Variants in RNF135 observed in about 807,000 individuals in gnomAD.
The protein encoded by RNF135 is ring finger protein 135.
A neutral mutation model predicts 41.9 loss-of-function variants in RNF135; 46 were observed. That is an observed-to-expected ratio of 1.10 (90% CI 0.87 to 1.40). The LOEUF is 1.40. Ranked by LOEUF, RNF135 falls within the 40% of genes most tolerant of loss-of-function variation. RNF135 has a pLI of 0.00. For synonymous variants in RNF135, 238 were observed against 223.8 expected (o/e 1.06, Z -0.57); for missense variants, 539 against 549.8 (o/e 0.98, Z 0.20).
At chr17:30,963,896 C>G in the RNF135 span, among the ~76,000 whole-genome samples, 1 of 152,118 alleles carries the variant, frequency 6.6e-6, no homozygotes, top group Non-Finnish European at 1.5e-5. Flanking sequence ...GGGAGGATCA[C>G]TTGAGGCCAG....
At chr17:30,976,913 T>A (rs1906509909) in intron 1 of RNF135, among the ~76,000 whole-genome samples, 1 of 152,228 alleles carries the variant, frequency 6.6e-6, no homozygotes, top group Non-Finnish European at 1.5e-5. Flanking sequence ...GTCTTTTGAT[T>A]GAAGATTTTT....
At chr17:30,980,795 T>C (rs1907073882) in intron 1 of RNF135, among the ~76,000 whole-genome samples, 1 of 146,988 alleles carries the variant, frequency 6.8e-6, no homozygotes, top group Admixed American at 6.7e-5. Context: ...CCTCACTTCC[T>C]AGATGGGATG....
Position 30,971,463 on chromosome 17 carries a change from G to T in RNF135, c.372+18G>T. 1 of 1,487,570 alleles carries T rather than the reference G, an allele frequency of 6.7e-7. No homozygotes were observed. The highest frequency in any genetic ancestry group is 8.9e-7 in the Non-Finnish European group (1 of 1,128,244). The allele number at this position is 1,487,570 out of a possible 1,614,324, so 92.1% of individuals were successfully genotyped here. On this transcript the variant is annotated intron_variant, in intron 1 of 4. Transcript: ENST00000328381. Reference sequence around the variant, plus strand: ...TGCAGCGGGTAGGGAGGCCGGGCCCGCAGCTCCCCTGGCTCCCCCGGGCTG... The same window carrying T: ...TGCAGCGGGTAGGGAGGCCGGGCCCTCAGCTCCCCTGGCTCCCCCGGGCTG...
In RNF135 at chr17:30,971,460, C is replaced by A; in HGVS notation, c.372+15C>A. The A allele has an allele frequency of 6.7e-7, 1 of 1,488,224 alleles. No individual in the cohort carries two copies. 92.2% of individuals were successfully genotyped at this position (1,488,224 alleles called of 1,614,324 possible). A position where few individuals can be genotyped will look rare whatever the true frequency, so the allele number is the denominator to read the frequency against. ...AACTGCAGCGGGTAGGGAGGCCGGG[C>A]CCGCAGCTCCCCTGGCTCCCCCGGG... On this transcript the variant is annotated intron_variant, in intron 1 of 4. Transcript: ENST00000328381.
the RNF135 span, among the ~76,000 whole-genome samples, chr17:30,963,398 C>T: frequency 5.3e-5 from 8 of 151,836 alleles, no homozygotes; most frequent in African/African-American, 7.3e-5. Context: ...CTGGCTAACA[C>T]GGTGAAACCC....
At chr17:30,996,633 T>C (rs938404866) in intron 3 of RNF135, among the ~76,000 whole-genome samples, 4 of 152,180 alleles carry the variant, frequency 2.6e-5, no homozygotes, top group Admixed American at 6.5e-5. Flanking sequence ...CACTTCAAGA[T>C]ACAAGTAGGA....
At chr17:30,998,032 C>T (rs1326807732) in intron 4 of RNF135, among the ~76,000 whole-genome samples, 1 of 152,208 alleles carries the variant, frequency 6.6e-6, no homozygotes, top group Non-Finnish European at 1.5e-5. Flanking sequence ...TCATAAATCA[C>T]CATAAGACGG....
intron 1 of RNF135, among the ~76,000 whole-genome samples, chr17:30,977,142 G>T (rs1318993900): frequency 2.0e-5 from 3 of 152,112 alleles, no homozygotes; most frequent in Non-Finnish European, 4.4e-5. Context: ...GAGCTTGCAA[G>T]TAGTATCTTA....
intron 1 of RNF135, among the ~76,000 whole-genome samples, chr17:30,983,991 G>A (rs926495650): frequency 1.3e-5 from 2 of 152,026 alleles, no homozygotes; most frequent in African/African-American, 2.4e-5. Context: ...CCAAACAAGC[G>A]GCAGTGATAT....
At chr17:30,982,243 C>G (rs1452942334) in intron 1 of RNF135, among the ~76,000 whole-genome samples, 1 of 152,122 alleles carries the variant, frequency 6.6e-6, no homozygotes, top group Non-Finnish European at 1.5e-5. Flanking sequence ...ATTTAGAGCC[C>G]CAGAGCACTT....
chr17:30,980,778 A>C (rs1331059046), intron 1 of RNF135, among the ~76,000 whole-genome samples: 1 of 148,460 alleles, frequency 6.7e-6, no homozygotes, highest in African/African-American at 2.5e-5. Context: ...GGCCGGGCAG[A>C]GACGCTCCTC....
chr17:30,981,183 C>T (rs1383356286), intron 1 of RNF135, among the ~76,000 whole-genome samples: 1 of 149,786 alleles, frequency 6.7e-6, no homozygotes, highest in Non-Finnish European at 1.5e-5. Context: ...CACAGCGAAA[C>T]CCCGTCTCCA....
chr17:30,983,354 T>TATATATATATATATATA (rs1491179041), intron 1 of RNF135, among the ~76,000 whole-genome samples: 35 of 25,654 alleles, frequency 1.4e-3, no homozygotes, highest in South Asian at 3.8e-3. Context: ...TATATATATA[T>TATATATATATATATATA]TTTTTTTTTT....
rs1172253040 is a variant in RNF135 at position 30,993,802 on chromosome 17, G to GAATT, written c.680-3423_680-3420dup. 4 of 936,902 alleles carry GAATT rather than the reference G, an allele frequency of 4.3e-6. No individual in the cohort carries two copies. The Admixed American group carries it at 6.7e-5, about 16-fold the overall frequency. 58.0% of individuals were successfully genotyped at this position (936,902 alleles called of 1,614,324 possible). A position where few individuals can be genotyped will look rare whatever the true frequency, so the allele number is the denominator to read the frequency against. ...TTTTGTTTATAATCTGCATTCTGCT[G>GAATT]AATTAATTAATTAATTAATTTTTTT... On this transcript the variant is annotated intron_variant, in intron 3 of 4. Coordinates refer to ENST00000328381, the MANE Select transcript of RNF135 (RefSeq NM_032322.4).
At chr17:30,963,093 C>CAT in the RNF135 span, among the ~76,000 whole-genome samples, 1 of 99,388 alleles carries the variant, frequency 1.0e-5, no homozygotes, top group Non-Finnish European at 1.9e-5. Flanking sequence ...GATTCCCTAG[C>CAT]TTTTTTTTTT....
chr17:30,987,857 A>G, intron 2 of RNF135, 87 bp from the exon 3 acceptor site: 2 of 1,284,816 alleles, frequency 1.6e-6, no homozygotes, highest in Non-Finnish European at 1.1e-6. Context: ...ATAGAAAATT[A>G]TAGATGAATA....
intron 1 of RNF135, among the ~76,000 whole-genome samples, chr17:30,981,939 G>A (rs1907180406): frequency 6.6e-6 from 1 of 152,204 alleles, no homozygotes; most frequent in East Asian, 1.9e-4. Flanking sequence ...CTGGAGGTGG[G>A]GTGACAGAAG....
intron 3 of RNF135, among the ~76,000 whole-genome samples, chr17:30,988,519 C>A (rs2142716956): frequency 6.8e-6 from 1 of 146,598 alleles, no homozygotes; most frequent in East Asian, 2.0e-4. Flanking sequence ...GCTCTGCCTC[C>A]TGGGTTCATG....
the RNF135 span, among the ~76,000 whole-genome samples, chr17:30,963,199 C>T: frequency 6.6e-6 from 1 of 150,922 alleles, no homozygotes; most frequent in African/African-American, 2.4e-5. Context: ...TCCACAGACC[C>T]CTCACCTCAA....
Sources: allele counts gnomAD v4.1 joint callset (sites outside exome capture counted in the v4.1 genomes callset), GRCh38; gene constraint gnomAD v4.1.1; transcripts MANE v1.5; gene names NCBI Gene and HGNC (gene_info 2026-07-23, HGNC 2026-07-21).